The following NUP62CL variants were observed in gnomAD, a reference collection of about 807,000 sequenced individuals.
NUP62CL encodes the protein nucleoporin 62 C-terminal like.
In NUP62CL, 13 loss-of-function variants were observed where a neutral mutation model predicts 15.3. That is an observed-to-expected ratio of 0.85 (90% CI 0.55 to 1.35). NUP62CL has a LOEUF of 1.35. NUP62CL is among the 40% of genes most tolerant of loss of function. NUP62CL has a pLI of 0.00. For missense variants in NUP62CL, 123 were observed against 130.6 expected (o/e 0.94, Z 0.28); for synonymous variants, 54 against 49.2 (o/e 1.10, Z -0.41).
intron 4 of NUP62CL, among the ~76,000 whole-genome samples, chrX:107,161,312 GC>G (rs1926363618): frequency 9.8e-6 from 1 of 102,457 alleles, no homozygotes; most frequent in African/African-American, 3.6e-5. Context: ...AAATCACGCT[GC>G]TATAAAGACA....
At chrX:107,181,874 A>G (rs1003444041) in intron 2 of NUP62CL, among the ~76,000 whole-genome samples, 3 of 112,319 alleles carry the variant, frequency 2.7e-5, no homozygotes, top group Non-Finnish European at 3.8e-5. Context: ...ATTGTTAATT[A>G]GACCTTTCTC....
intron 7 of NUP62CL, 86 bp from the exon 8 acceptor site, chrX:107,147,895 G>C: frequency 1.4e-6 from 1 of 736,958 alleles, no homozygotes; most frequent in South Asian, 2.6e-5. Flanking sequence ...ATTAGGAAGT[G>C]ACTTTTAATT....
At chrX:107,150,691 G>A (rs1012826225) in intron 7 of NUP62CL, among the ~76,000 whole-genome samples, 1 of 112,023 alleles carries the variant, frequency 8.9e-6, no homozygotes, top group Non-Finnish European at 1.9e-5. Context: ...TAGAGACAGG[G>A]TCTCACTATG....
intron 8 of NUP62CL, among the ~76,000 whole-genome samples, chrX:107,135,034 C>T (rs1437208465): frequency 9.0e-6 from 1 of 111,490 alleles, no homozygotes; most frequent in African/African-American, 3.3e-5. Context: ...TGCCACCATG[C>T]CCAGCTAATT....
At chrX:107,199,017 C>G (rs1419901805) in intron 1 of NUP62CL, among the ~76,000 whole-genome samples, 3 of 111,815 alleles carry the variant, frequency 2.7e-5, no homozygotes, top group Non-Finnish European at 5.6e-5. Context: ...TTTATTGATT[C>G]TGGGAGTGTT....
Position 107,206,351 on chromosome X carries a change from G to A in NUP62CL, c.-170C>T, listed in dbSNP as rs1323995139. The A allele has an allele frequency of 9.0e-6, 1 of 110,759 alleles. No individual in the cohort carries two copies. The highest frequency in any genetic ancestry group is 1.9e-5 in the Non-Finnish European group (1 of 52,847). 9.1% of individuals were successfully genotyped at this position (110,759 alleles called of 1,213,427 possible). The stretch of plus-strand genomic sequence containing the variant: ...CCTCCGAGACTGCTAGACGCCAGAG[G>A]GGCGGGTCCGGACCTGCTCGAGCCG... On this transcript the variant is annotated 5_prime_UTR_variant, in exon 1 of 9. Transcript: ENST00000372466.
chrX:107,148,065 G>A (rs1925921084), intron 7 of NUP62CL, among the ~76,000 whole-genome samples: 2 of 110,775 alleles, frequency 1.8e-5, no homozygotes, highest in Non-Finnish European at 3.8e-5. Context: ...GACTACCACA[G>A]TATAAAGAAC....
chrX:107,148,341 G>C (rs921726237), intron 7 of NUP62CL, among the ~76,000 whole-genome samples: 1 of 111,484 alleles, frequency 9.0e-6, no homozygotes, highest in Non-Finnish European at 1.9e-5. Flanking sequence ...ATCCAGAGGA[G>C]ATAATCAAAT....
intron 1 of NUP62CL, among the ~76,000 whole-genome samples, chrX:107,194,197 C>G (rs754048514): frequency 9.0e-6 from 1 of 111,139 alleles, no homozygotes; most frequent in African/African-American, 3.3e-5. Flanking sequence ...AGTGAATTTC[C>G]TAGAACTGAA....
intron 2 of NUP62CL, among the ~76,000 whole-genome samples, chrX:107,177,416 C>T (rs942941863): frequency 9.0e-5 from 10 of 111,165 alleles, no homozygotes; most frequent in African/African-American, 2.6e-4. Context: ...GTGAACATAT[C>T]GCCTTACTTG....
intron 8 of NUP62CL, among the ~76,000 whole-genome samples, chrX:107,131,059 A>T (rs937675553): frequency 9.0e-6 from 1 of 111,708 alleles, no homozygotes; most frequent in Non-Finnish European, 1.9e-5. Context: ...TAAAAATATA[A>T]AAATAAATAG....
At chrX:107,189,884 A>G (rs1375542788) in intron 2 of NUP62CL, among the ~76,000 whole-genome samples, 1 of 65,511 alleles carries the variant, frequency 1.5e-5, no homozygotes, top group African/African-American at 6.1e-5. Context: ...AAGAAAAGAA[A>G]GAAAGAAAGA....
chrX:107,153,602 G>A, intron 5 of NUP62CL, 99 bp from the exon 6 acceptor site: 1 of 525,114 alleles, frequency 1.9e-6, no homozygotes, highest in African/African-American at 2.4e-5. Flanking sequence ...AAATATGAAA[G>A]ATTTCCTTTT....
intron 8 of NUP62CL, among the ~76,000 whole-genome samples, chrX:107,139,615 A>T (rs1239144732): frequency 2.7e-5 from 3 of 112,153 alleles, no homozygotes; most frequent in Non-Finnish European, 5.6e-5. Context: ...ATCTGTTCTA[A>T]CTGCTTAATA....
At chrX:107,176,079 C>T (rs924525290) in intron 2 of NUP62CL, among the ~76,000 whole-genome samples, 1 of 111,529 alleles carries the variant, frequency 9.0e-6, no homozygotes, top group Admixed American at 9.6e-5. Context: ...ACTGGCTGAA[C>T]GATTCTGCCC....
chrX:107,157,630 G>C (rs1472227252), intron 4 of NUP62CL, among the ~76,000 whole-genome samples: 1 of 107,353 alleles, frequency 9.3e-6, no homozygotes, highest in African/African-American at 3.4e-5. Flanking sequence ...TGAAGGAAGC[G>C]CTAAACATGG....
chrX:107,179,839 C>T (rs936657646), intron 2 of NUP62CL, among the ~76,000 whole-genome samples: 3 of 112,205 alleles, frequency 2.7e-5, no homozygotes, highest in Non-Finnish European at 5.6e-5. Flanking sequence ...CTCCTACCAA[C>T]ACTATTACTG....
chrX:107,180,913 C>CTTT (rs35001668), intron 2 of NUP62CL, among the ~76,000 whole-genome samples: 7 of 85,124 alleles, frequency 8.2e-5, no homozygotes, highest in Non-Finnish European at 1.1e-4. Flanking sequence ...TATGGTTTCG[C>CTTT]TTTTTTTTTT....
chrX:107,130,092 A>G (rs917642126), intron 8 of NUP62CL, among the ~76,000 whole-genome samples: 5 of 111,926 alleles, frequency 4.5e-5, no homozygotes, highest in Admixed American at 1.9e-4. Context: ...GGCATCAAAC[A>G]TTAGAAAAAC....
Sources: gnomAD v4.1 joint callset for allele counts (sites outside exome capture counted in the v4.1 genomes callset) on GRCh38, gnomAD v4.1.1 for gene constraint, MANE v1.5 for transcripts, NCBI Gene and HGNC (gene_info 2026-07-23, HGNC 2026-07-21) for gene names.